Variants in MTSS2 observed in about 807,000 individuals in gnomAD.
MTSS2 encodes MTSS I-BAR domain containing 2, also known as protein MTSS 2.
Under a neutral mutation model 67.1 loss-of-function variants are expected in MTSS2, and 27 were observed. The observed-to-expected ratio is 0.40, with a 90% CI of 0.30 to 0.55. The LOEUF (loss-of-function observed/expected upper bound fraction) is 0.55. Among genes scored for constraint, MTSS2 ranks in the 20% least tolerant of loss-of-function variants. MTSS2 has a pLI of 0.43. For missense variants in MTSS2, 1,171 were observed against 1,067.8 expected (o/e 1.10, Z -1.35); for synonymous variants, 624 against 468.6 (o/e 1.33, Z -4.28).
intron 10 of MTSS2, among the ~76,000 whole-genome samples, chr16:70,676,139 G>T (rs1271993638): frequency 6.6e-6 from 1 of 152,222 alleles, no homozygotes; most frequent in Non-Finnish European, 1.5e-5. Context: ...CTGGCAAAGG[G>T]GGGCCCCCAC....
At chr16:70,673,156 C>G (rs1484305974) in intron 11 of MTSS2, among the ~76,000 whole-genome samples, 1 of 151,834 alleles carries the variant, frequency 6.6e-6, no homozygotes, top group Non-Finnish European at 1.5e-5. Flanking sequence ...AGAGTAAGAT[C>G]GTGTCTCAAA....
intron 10 of MTSS2, among the ~76,000 whole-genome samples, chr16:70,675,799 G>C (rs1237551080): frequency 1.3e-5 from 2 of 152,244 alleles, no homozygotes; most frequent in Non-Finnish European, 2.9e-5. Context: ...TGGTGATGGT[G>C]TGTGTGCGTA....
At chr16:70,664,528 G>GGT in intron 14 of MTSS2, 70 bp downstream of exon 14, 1 of 1,576,708 alleles carries the variant, frequency 6.3e-7, no homozygotes, top group Non-Finnish European at 8.6e-7. Flanking sequence ...CACAGAGGGG[G>GGT]AAGGACGGGG....
rs758224683 is a variant in MTSS2 at position 70,664,383 on chromosome 16, T to C, written c.1538A>G (p.Lys513Arg). 1.3e-6 allele frequency: 2 copies of C among 1,576,598 alleles called. No homozygotes were observed. Among genetic ancestry groups the C allele is most frequent in the South Asian group, 2.4e-5 (2 of 84,032 alleles). The part of the protein sequence containing the change: ...ADSEGPPEFD[K>R]SSTIPRNSNI... ...GCTGTTGCGCGGGATGGTGGATGAC[T>C]TGTCAAACTCGGGCGGGCCCTCGCT... The change falls in exon 15 of 15, where the codon AAG becomes AGG. Residue 513 changes from lysine to arginine, a missense_variant. Lys to Arg is a conservative substitution (Grantham distance 26). Transcript: ENST00000338779.
intron 11 of MTSS2, among the ~76,000 whole-genome samples, chr16:70,669,044 G>T (rs1284492380): frequency 1.3e-5 from 2 of 152,084 alleles, no homozygotes; most frequent in African/African-American, 4.8e-5. Context: ...ATGAGCTGCA[G>T]ATCTAAAACA....
intron 2 of MTSS2, 46 bp downstream of exon 2, chr16:70,680,918 G>GGGGGGGGGGGGGGGCCCCCC: frequency 9.1e-7 from 1 of 1,097,900 alleles, no homozygotes. Flanking sequence ...CGGGGGGGGG[G>GGGGGGGGGGGGGGGCCCCCC]CCTCTGCCTG....
rs201374581 is a variant in MTSS2, at chr16:70,677,855, G to A, written c.669C>T (p.Gly223=). ...TCAGCACCACCAAGTCGTCGATGAT[G>A]CCCTGCAGGTGGGTGATCTCTCCCA... ...TMLGEITHLQ[G]IIDDLVVLTA... is the part of the protein sequence containing the mutation. The change falls in exon 9 of 15, where the codon GGC becomes GGT. Residue 223 remains glycine (G), a synonymous_variant. Coordinates refer to ENST00000338779, the MANE Select transcript of MTSS2 (RefSeq NM_138383.3). The A allele has an allele frequency of 1.9e-4, 301 of 1,612,400 alleles. 1 individual carries two copies. Among genetic ancestry groups the A allele is most frequent in the Middle Eastern group, 6.6e-4 (4 of 6,054 alleles).
Position 70,663,474 on chromosome 16 carries a change from G to C in MTSS2, c.*203C>G. 1.0e-6 allele frequency: 1 copy of C among 994,830 alleles called. No individual in the cohort carries two copies. The highest frequency in any genetic ancestry group is 1.4e-6 in the Non-Finnish European group (1 of 710,714). 61.6% of individuals were successfully genotyped at this position (994,830 alleles called of 1,614,324 possible). On this transcript the variant is annotated 3_prime_UTR_variant, in exon 15 of 15. Transcript: ENST00000338779. ...CCCCGAACCAGGCCCAGGCCTGCAG[G>C]CTCCGTCCTGGCCAGGCTTGCTAAG...
chr16:70,685,693 G>A (rs1246356593), intron 1 of MTSS2, 30 bp downstream of exon 1: 1 of 1,263,782 alleles, frequency 7.9e-7, no homozygotes, highest in Non-Finnish European at 1.0e-6. Flanking sequence ...ACCCGTCGCC[G>A]CGCGCCCGGC....
intron 10 of MTSS2, among the ~76,000 whole-genome samples, chr16:70,676,143 C>A (rs887505172): frequency 6.6e-6 from 1 of 152,340 alleles, no homozygotes; most frequent in Middle Eastern, 3.4e-3. Flanking sequence ...CAAAGGGGGG[C>A]CCCCACCAGC....
rs777965465 is a variant in MTSS2 at position 70,679,791 on chromosome 16, G to A, written c.377C>T (p.Ala126Val). 6.2e-7 allele frequency: 1 copy of A among 1,611,350 alleles called. No individual in the cohort carries two copies. The highest frequency in any genetic ancestry group is 2.2e-5 in the East Asian group (1 of 44,834). Reference sequence around the variant, plus strand: ...CGGCTCCGCGCCACCCTCACCTTTCGCGTGGTCCTTGTCCAGCTGGTTGGC... The same window carrying A: ...CGGCTCCGCGCCACCCTCACCTTTCACGTGGTCCTTGTCCAGCTGGTTGGC... ...KAANQLDKDH[A>V]KEYKRARHEI... Residue 126 changes from alanine to valine, a missense_variant, in exon 5 of 15, where the codon GCG (alanine) becomes GTG (valine). Physicochemically the swap from Ala to Val is moderately conservative, Grantham distance 64. This residue lies in a region of MTSS2 where 247 missense variants were observed against 311.8 expected (regional missense o/e 0.79). Coordinates refer to ENST00000338779, the MANE Select transcript of MTSS2 (RefSeq NM_138383.3).
Position 70,685,756 on chromosome 16 carries a change from G to T in MTSS2, c.36C>A (p.Gly12=). The change falls in exon 1 of 15, where the codon GGC becomes GGA. Residue 12 remains glycine (G), a synonymous_variant. Transcript: ENST00000338779. ...CGTTGACTATGGCCTGGAAGAGCCC[G>T]CCCAGGGCGCCGCACTCCTTCTCCG... The part of the protein sequence containing the change: ...ETAEKECGAL[G]GLFQAIVNDM... 7.2e-7 allele frequency: 1 copy of T among 1,391,596 alleles called. No homozygotes were observed. The allele number at this position is 1,391,596 out of a possible 1,614,324, so 86.2% of individuals were successfully genotyped here.
chr16:70,677,694 C>G, intron 9 of MTSS2, 98 bp downstream of exon 9: 1 of 953,856 alleles, frequency 1.0e-6, no homozygotes, highest in Non-Finnish European at 1.6e-6. Context: ...CTGCCTCCCC[C>G]AAATGCCATC....
chr16:70,678,607 G>A (rs979238950), intron 7 of MTSS2, among the ~76,000 whole-genome samples, 198 bp from the exon 8 acceptor site: 2 of 152,228 alleles, frequency 1.3e-5, no homozygotes, highest in African/African-American at 4.8e-5. Flanking sequence ...AGAGAGGACA[G>A]ACACACACAC....
In MTSS2 at chr16:70,679,145, C is replaced by A. The variant is rs1031834998; in HGVS notation, c.466+170G>T. Among the ~76,000 whole-genome samples the A allele has an allele frequency of 3.3e-5, 5 of 152,034 alleles. No homozygotes were observed. The East Asian group carries it at 5.8e-4, about 18-fold the overall frequency. The stretch of plus-strand genomic sequence containing the variant: ...CCCGGGACTCATCCCTGGCCAGGGA[C>A]CCCGGGGGCCCCAGGGGGACTGTGC... On this transcript the variant is annotated intron_variant, in intron 7 of 14. Transcript: ENST00000338779.
Position 70,680,077 on chromosome 16 carries a change from G to A in MTSS2, c.206-22C>T, listed in dbSNP as rs558216309. On this transcript the variant is annotated intron_variant, in intron 3 of 14. Transcript: ENST00000338779. ...GCCCCTGGCGAGGCAAGCGCGGGGT[G>A]GGAAGGGGCCCGCTGGGGCCTGCGC... 327 of 1,480,498 alleles carry A rather than the reference G, an allele frequency of 2.2e-4. 2 individuals carry two copies. Among genetic ancestry groups the A allele is most frequent in the Middle Eastern group, 2.2e-3 (9 of 4,080 alleles). 91.7% of individuals were successfully genotyped at this position (1,480,498 alleles called of 1,614,324 possible). A position where few individuals can be genotyped will look rare whatever the true frequency, so the allele number is the denominator to read the frequency against.
At position 70,664,954 on chromosome 16, in the gene MTSS2, C is replaced by A; in HGVS notation, c.1271G>T (p.Arg424Leu). ...TLGPSGEEAP[R>L]PRMSPATIAA... Reference sequence around the variant, plus strand: ...GATGGTGGCAGGGGACATCCGGGGTCGCGGTGCCTCTTCCCCGCTGGGGCC... The same window carrying A: ...GATGGTGGCAGGGGACATCCGGGGTAGCGGTGCCTCTTCCCCGCTGGGGCC... Residue 424 changes from arginine to leucine, a missense_variant, in exon 13 of 15, where the codon CGA becomes CTA. Around this residue, in one of 2 missense-constraint regions of MTSS2, gnomAD observed 924 missense variants for 756.0 expected, o/e 1.22. Coordinates refer to ENST00000338779, the MANE Select transcript of MTSS2 (RefSeq NM_138383.3). 1.3e-6 allele frequency: 2 copies of A among 1,566,126 alleles called. No individual in the cohort carries two copies. The highest frequency in any genetic ancestry group is 1.7e-6 in the Non-Finnish European group (2 of 1,163,720).
In MTSS2 at chr16:70,667,329, A is replaced by G. The variant is rs571048410; in HGVS notation, c.1054-1789T>C. On this transcript the variant is annotated intron_variant, in intron 11 of 14. Coordinates refer to ENST00000338779, the MANE Select transcript of MTSS2 (RefSeq NM_138383.3). ...CTATTTACAAGTAACATAATAGTAT[A>G]TGTAGAATATTAAGAAAGAATCTAC... 5.3e-4 allele frequency among the ~76,000 whole-genome samples: 6 copies of G among 11,344 alleles called. No individual in the cohort carries two copies. The South Asian group carries it at 0.031, about 58-fold the overall frequency. 7.4% of individuals were successfully genotyped at this position (11,344 alleles called of 152,430 possible). A position where few individuals can be genotyped will look rare whatever the true frequency, so the allele number is the denominator to read the frequency against.
In MTSS2 at chr16:70,674,317, T is replaced by TA. The variant is rs1366504365; in HGVS notation, c.1041_1042insT (p.Ile348TyrfsTer22). 1 of 1,613,474 alleles carries TA rather than the reference T, an allele frequency of 6.2e-7. No individual in the cohort carries two copies. Among genetic ancestry groups the TA allele is most frequent in the Non-Finnish European group, 8.5e-7 (1 of 1,179,924 alleles). ...TAACGCCCCCTCACCTGGCTGGTGA[T>TA]GTCTGAAGGCATAGGCGAGGGGGGC... On this transcript the variant is annotated frameshift_variant, in exon 11 of 15. Transcript: ENST00000338779. LOFTEE classifies it high-confidence loss of function.
Sources: gnomAD v4.1 joint callset for allele counts (sites outside exome capture counted in the v4.1 genomes callset) on GRCh38, gnomAD v4.1.1 for gene constraint, gnomAD v4.1.1 regional missense constraint, MANE v1.5 for transcripts, NCBI Gene and HGNC (gene_info 2026-07-23, HGNC 2026-07-21) for gene names.